Variants in AGBL1 observed in about 807,000 individuals in gnomAD.
AGBL1 encodes the protein AGBL carboxypeptidase 1.
In AGBL1, 130 loss-of-function variants were observed where a neutral mutation model predicts 118.9. The ratio of observed to expected loss-of-function variants is 1.09; its 90% CI spans 0.95 to 1.26. The LOEUF (loss-of-function observed/expected upper bound fraction) is 1.26. AGBL1 is among the 50% of genes most tolerant of loss of function. The pLI is 0.00. For synonymous variants in AGBL1, 555 were observed against 478.9 expected (o/e 1.16, Z -2.08); for missense variants, 1,584 against 1,298.1 (o/e 1.22, Z -3.38).
chr15:86,859,870 C>A (rs1021834575), intron 22 of AGBL1, among the ~76,000 whole-genome samples: 2 of 152,098 alleles, frequency 1.3e-5, no homozygotes, highest in African/African-American at 4.8e-5. Context: ...TAGAGTTTAT[C>A]AGCTGTGTGA....
chr15:86,867,784 G>T (rs942591190), intron 22 of AGBL1, among the ~76,000 whole-genome samples: 6 of 152,192 alleles, frequency 3.9e-5, no homozygotes, highest in African/African-American at 1.4e-4. Context: ...ATTAGCAGCT[G>T]TAACTTAAAG....
intron 16 of AGBL1, among the ~76,000 whole-genome samples, chr15:86,282,932 C>T (rs1230988248): frequency 3.9e-5 from 6 of 152,076 alleles, no homozygotes; most frequent in Admixed American, 6.5e-5. Flanking sequence ...TGTTTTTCAA[C>T]GTGACTACAA....
chr15:86,159,054 C>A (rs1278745841), intron 5 of AGBL1, 28 bp downstream of exon 5: 2 of 1,597,156 alleles, frequency 1.3e-6, no homozygotes. Context: ...ATACTTCTGC[C>A]CCTTTTGTAA....
Position 86,723,205 on chromosome 15 carries a change from A to G in AGBL1, c.3158+48769A>G, listed in dbSNP as rs181037315. On this transcript the variant is annotated intron_variant, in intron 22 of 22. Coordinates refer to ENST00000614907, the MANE Select transcript of AGBL1 (RefSeq NM_001386094.1). ...TGCTGTTATAAAGACACATGCATAC[A>G]TATGTTTATTGTGGCACTATTCACA... is the stretch of plus-strand genomic sequence containing the variant. 2.2e-3 allele frequency among the ~76,000 whole-genome samples: 335 copies of G among 152,340 alleles called. 6 individuals are homozygous for G. Among genetic ancestry groups the G allele is most frequent in the African/African-American group, 7.8e-3 (326 of 41,582 alleles).
chr15:86,467,209 G>A (rs2082418704), intron 18 of AGBL1, among the ~76,000 whole-genome samples: 2 of 152,180 alleles, frequency 1.3e-5, no homozygotes, highest in African/African-American at 4.8e-5. Flanking sequence ...TGGCTACAGA[G>A]GCTTTGGAGA....
In AGBL1 at chr15:86,136,170, G is replaced by A. The variant is rs192223960; in HGVS notation, c.52-5834G>A. Among the ~76,000 whole-genome samples, 389 of 152,198 alleles carry A rather than the reference G, an allele frequency of 2.6e-3. 3 individuals are homozygous for A. The highest frequency in any genetic ancestry group is 4.4e-3 in the Non-Finnish European group (299 of 68,016). On this transcript the variant is annotated intron_variant, in intron 1 of 22. Transcript: ENST00000614907. ...AGTAGAATCTCCCAGCCAAGTTCTG[G>A]CCAAATTTACCTACCCACAAAATCC...
At chr15:86,091,389 G>A (rs147138408) in intron 1 of AGBL1, among the ~76,000 whole-genome samples, 25 of 152,234 alleles carry the variant, frequency 1.6e-4, no homozygotes, top group African/African-American at 5.5e-4. Context: ...TCTCTATTCT[G>A]TGGTGACCAA....
At chr15:86,474,463 G>A (rs1366366512) in intron 18 of AGBL1, among the ~76,000 whole-genome samples, 2 of 152,188 alleles carry the variant, frequency 1.3e-5, no homozygotes, top group Non-Finnish European at 2.9e-5. Flanking sequence ...CACACCCACG[G>A]AGCCTCACTC....
At chr15:86,792,993 A>G (rs985339862) in intron 22 of AGBL1, among the ~76,000 whole-genome samples, 1 of 152,176 alleles carries the variant, frequency 6.6e-6, no homozygotes, top group Non-Finnish European at 1.5e-5. Context: ...TGATAACTTA[A>G]AAAAATTAGA....
At chr15:86,879,762 C>T (rs2079864990) in intron 22 of AGBL1, among the ~76,000 whole-genome samples, 1 of 152,284 alleles carries the variant, frequency 6.6e-6, no homozygotes. Flanking sequence ...CTTTATTTAG[C>T]TCCGCTGCAT....
At chr15:86,083,103 G>A (rs562914655) in intron 1 of AGBL1, among the ~76,000 whole-genome samples, 10 of 152,140 alleles carry the variant, frequency 6.6e-5, no homozygotes, top group East Asian at 1.9e-4. Flanking sequence ...GATTTCCCTC[G>A]TTGAGTATGC....
At chr15:86,686,757 A>C (rs761618690) in intron 22 of AGBL1, among the ~76,000 whole-genome samples, 18 of 152,044 alleles carry the variant, frequency 1.2e-4, no homozygotes, top group South Asian at 4.1e-4. Flanking sequence ...TATTCATATG[A>C]ATTTTTATCA....
chr15:86,621,645 A>G (rs2084806494), intron 21 of AGBL1, among the ~76,000 whole-genome samples: 1 of 152,198 alleles, frequency 6.6e-6, no homozygotes, highest in South Asian at 2.1e-4. Flanking sequence ...AAAAGACCTT[A>G]TGTCCAAATC....
intron 22 of AGBL1, among the ~76,000 whole-genome samples, chr15:86,828,826 A>G (rs990261649): frequency 2.6e-5 from 4 of 151,524 alleles, no homozygotes; most frequent in African/African-American, 7.3e-5. Flanking sequence ...ACACAGTGCA[A>G]ATTACTCACT....
intron 18 of AGBL1, among the ~76,000 whole-genome samples, chr15:86,457,509 C>G (rs569590760): frequency 6.6e-6 from 1 of 152,190 alleles, no homozygotes; most frequent in East Asian, 1.9e-4. Context: ...AAAGTTTTGT[C>G]TTAATCTATT....
intron 22 of AGBL1, among the ~76,000 whole-genome samples, chr15:86,753,889 A>C (rs538525292): frequency 3.3e-5 from 5 of 152,062 alleles, no homozygotes; most frequent in Non-Finnish European, 7.4e-5. Context: ...TTCAGGTTCC[A>C]CTTGCTCTCT....
chr15:86,129,225 T>C (rs566670048), intron 1 of AGBL1, among the ~76,000 whole-genome samples: 54 of 152,322 alleles, frequency 3.5e-4, no homozygotes, highest in African/African-American at 1.3e-3. Flanking sequence ...GCTGGATATA[T>C]CTATAGAATG....
At chr15:86,773,829 C>T (rs1398611908) in intron 22 of AGBL1, among the ~76,000 whole-genome samples, 1 of 151,916 alleles carries the variant, frequency 6.6e-6, no homozygotes, top group African/African-American at 2.4e-5. Flanking sequence ...AAGAATCTCT[C>T]CTAGATTTCT....
chr15:86,337,017 C>G (rs73453440), intron 17 of AGBL1, among the ~76,000 whole-genome samples: 7,186 of 152,278 alleles, frequency 0.047, 564 homozygotes, highest in African/African-American at 0.16. Context: ...CCTAAGGACT[C>G]TGGCTGTCCG....
Sources: gnomAD v4.1 joint callset for allele counts (sites outside exome capture counted in the v4.1 genomes callset) on GRCh38, gnomAD v4.1.1 for gene constraint, MANE v1.5 for transcripts, NCBI Gene and HGNC (gene_info 2026-07-23, HGNC 2026-07-21) for gene names.